TMEM132D: variants seen among roughly 807,000 people sequenced by gnomAD.
TMEM132D encodes mature OL transmembrane protein.
TMEM132D carries 21 observed loss-of-function variants against 62.3 expected under a neutral mutation model. The observed-to-expected ratio is 0.34, with a 90% CI of 0.24 to 0.49. TMEM132D has a LOEUF of 0.49. Among genes scored for constraint, TMEM132D ranks in the 20% least tolerant of loss-of-function variants. The probability of loss-of-function intolerance (pLI) is 0.99; values close to 1 mark genes in which losing one functional copy is unlikely to be tolerated. For missense variants in TMEM132D, 1,346 were observed against 1,402.8 expected (o/e 0.96, Z 0.65); for synonymous variants, 621 against 575.6 (o/e 1.08, Z -1.13).
At chr12:129,328,802 A>C (rs1869006024) in intron 4 of TMEM132D, among the ~76,000 whole-genome samples, 1 of 152,106 alleles carries the variant, frequency 6.6e-6, no homozygotes, top group East Asian at 1.9e-4. Context: ...ACTGGTTATG[A>C]GCTTAGACTC....
chr12:129,514,053 A>C (rs571159417), intron 3 of TMEM132D, among the ~76,000 whole-genome samples: 2 of 149,806 alleles, frequency 1.3e-5, no homozygotes, highest in Admixed American at 6.7e-5. Context: ...GTCAGCCAGG[A>C]TGGTCTCGAT....
At chr12:129,136,796 C>CACCACCATCATCACCATA (rs1876581355) in intron 5 of TMEM132D, among the ~76,000 whole-genome samples, 1 of 90,936 alleles carries the variant, frequency 1.1e-5, no homozygotes, top group Non-Finnish European at 2.3e-5. Context: ...TCACCATCAC[C>CACCACCATCATCACCATA]ATCATCACCA....
At chr12:129,464,218 A>T (rs1258000024) in intron 3 of TMEM132D, among the ~76,000 whole-genome samples, 2 of 152,014 alleles carry the variant, frequency 1.3e-5, no homozygotes, top group Non-Finnish European at 2.9e-5. Context: ...CATTTCTCTG[A>T]TGGCCAGTGA....
chr12:129,417,538 AC>A (rs1872163204), intron 3 of TMEM132D, among the ~76,000 whole-genome samples: 2 of 152,226 alleles, frequency 1.3e-5, no homozygotes, highest in South Asian at 4.1e-4. Flanking sequence ...TACACCTTAT[AC>A]AAAAATTAAT....
chr12:129,657,941 G>T (rs151055925), intron 2 of TMEM132D, among the ~76,000 whole-genome samples: 25 of 152,218 alleles, frequency 1.6e-4, no homozygotes, highest in Non-Finnish European at 3.2e-4. Flanking sequence ...TAAGCACAAG[G>T]CTAGGTTCTG....
chr12:129,113,650 C>T (rs10128950), intron 5 of TMEM132D, among the ~76,000 whole-genome samples: 2,034 of 152,076 alleles, frequency 0.013, 54 homozygotes, highest in African/African-American at 0.046. Context: ...GCTGTAGACC[C>T]GTCGGCCAGC....
intron 4 of TMEM132D, among the ~76,000 whole-genome samples, chr12:129,326,445 CG>C (rs1456505664): frequency 1.3e-5 from 2 of 152,046 alleles, no homozygotes; most frequent in African/African-American, 4.8e-5. Flanking sequence ...CATTCATATA[CG>C]TGGTTAAAAA....
chr12:129,462,903 T>C (rs932604835), intron 3 of TMEM132D, among the ~76,000 whole-genome samples: 2 of 152,172 alleles, frequency 1.3e-5, no homozygotes, highest in East Asian at 1.9e-4. Flanking sequence ...ACTGCTTGTA[T>C]GAGAAGGGCA....
rs1661970127 is a variant in TMEM132D at position 129,081,974 on chromosome 12, G to A, written c.1708C>T (p.Leu570=). 6.2e-7 allele frequency: 1 copy of A among 1,613,730 alleles called. No homozygotes were observed. The highest frequency in any genetic ancestry group is 8.5e-7 in the Non-Finnish European group (1 of 1,179,812). ...DDERRGRGCT[L]QYQHAMVRVL... ...CGCACCATGGCGTGCTGGTACTGCA[G>A]GGTGCAGCCGCGGCCCCTCCGCTCA... Residue 570 remains leucine, a synonymous_variant, in exon 7 of 9, where the codon CTG becomes TTG. Transcript: ENST00000422113.
chr12:129,252,958 C>G (rs1266951997), intron 4 of TMEM132D, among the ~76,000 whole-genome samples: 1 of 147,792 alleles, frequency 6.8e-6, no homozygotes, highest in African/African-American at 2.5e-5. Flanking sequence ...AACCAAACAC[C>G]GCAAGTTCTC....
At chr12:129,849,664 G>C (rs982331512) in intron 1 of TMEM132D, among the ~76,000 whole-genome samples, 2 of 152,216 alleles carry the variant, frequency 1.3e-5, no homozygotes, top group African/African-American at 4.8e-5. Context: ...GCAGGGGAGA[G>C]AAACTGCAGG....
chr12:129,787,427 T>C (rs1455584942), intron 1 of TMEM132D, among the ~76,000 whole-genome samples: 3 of 152,200 alleles, frequency 2.0e-5, no homozygotes, highest in African/African-American at 7.2e-5. Flanking sequence ...TTTATCTCCT[T>C]TCTGAGCCTC....
intron 4 of TMEM132D, among the ~76,000 whole-genome samples, chr12:129,296,443 T>C (rs1346594528): frequency 2.0e-5 from 3 of 152,246 alleles, no homozygotes; most frequent in Non-Finnish European, 4.4e-5. Context: ...AGCAACAAGA[T>C]GTTCTTCGTG....
intron 4 of TMEM132D, among the ~76,000 whole-genome samples, chr12:129,316,948 C>G (rs1045093961): frequency 1.3e-5 from 2 of 152,070 alleles, no homozygotes; most frequent in Admixed American, 6.6e-5. Context: ...TTTGTTTTGT[C>G]TGTTATAAGA....
At chr12:129,637,856 A>T (rs974232195) in intron 2 of TMEM132D, among the ~76,000 whole-genome samples, 3 of 152,064 alleles carry the variant, frequency 2.0e-5, no homozygotes, top group African/African-American at 7.2e-5. Context: ...AAACCACCAG[A>T]TCTGGTTAGA....
At chr12:129,751,386 AC>A (rs1002532969) in intron 1 of TMEM132D, among the ~76,000 whole-genome samples, 9 of 152,290 alleles carry the variant, frequency 5.9e-5, no homozygotes, top group African/African-American at 1.7e-4. Flanking sequence ...GGGTAAATCC[AC>A]CCTGTGATCT....
intron 3 of TMEM132D, among the ~76,000 whole-genome samples, chr12:129,477,816 A>G (rs1322393671): frequency 6.6e-6 from 1 of 151,990 alleles, no homozygotes; most frequent in Non-Finnish European, 1.5e-5. Context: ...GCAAGATTCC[A>G]TTTCAAAAAA....
rs149128533 is a variant in TMEM132D, at chr12:129,717,126, C to A, written c.80-16428G>T. Among the ~76,000 whole-genome samples the A allele has an allele frequency of 5.6e-3, 847 of 152,316 alleles. 12 individuals are homozygous for A. Among genetic ancestry groups the A allele is most frequent in the African/African-American group, 0.019 (802 of 41,564 alleles). On this transcript the variant is annotated intron_variant, in intron 1 of 8. Transcript: ENST00000422113. Reference sequence around the variant, plus strand: ...GGCCCTCAGCTCCACCAGCACAAAGCGCACTTGAGGCATGCACAACCTGAA... The same window carrying A: ...GGCCCTCAGCTCCACCAGCACAAAGAGCACTTGAGGCATGCACAACCTGAA...
At chr12:129,341,019 G>A (rs1399324931) in intron 3 of TMEM132D, among the ~76,000 whole-genome samples, 2 of 152,214 alleles carry the variant, frequency 1.3e-5, no homozygotes, top group African/African-American at 2.4e-5. Context: ...TGCACATGGT[G>A]ATCTCGTTGG....
Sources: allele counts gnomAD v4.1 joint callset (sites outside exome capture counted in the v4.1 genomes callset), GRCh38; gene constraint gnomAD v4.1.1; transcripts MANE v1.5; gene names NCBI Gene and HGNC (gene_info 2026-07-23, HGNC 2026-07-21).